The following RPS11 variants were observed in gnomAD, a reference collection of about 807,000 sequenced individuals.
RPS11 encodes the protein small ribosomal subunit protein uS17.
For synonymous variants in RPS11, 107 were observed against 78.0 expected (o/e 1.37, Z -1.96); for missense variants, 127 against 211.4 (o/e 0.60, Z 2.48).
intron 4 of RPS11, among the ~76,000 whole-genome samples, chr19:49,498,533 CTTGAGCCCAGGAGT>C (rs986482363): frequency 4.0e-5 from 6 of 151,652 alleles, no homozygotes; most frequent in African/African-American, 1.4e-4. Context: ...AGGAGGATCC[CTTGAGCCCAGGAGT>C]TTGAGACCAG....
rs1306236300 is a variant in RPS11 at position 49,497,531 on chromosome 19, C to T, written c.159C>T (p.Gly53=). The change falls in exon 3 of 5, where the codon GGC becomes GGT. Residue 53 remains glycine, a synonymous_variant. Coordinates refer to ENST00000270625, the MANE Select transcript of RPS11 (RefSeq NM_001015.5). ...TCCTATCCTTTCAGGCTATTGAGGG[C>T]ACCTACATTGACAAGAAATGCCCCT... ...GFKTPKEAIE[G]TYIDKKCPFT... 4 of 1,613,804 alleles carry T rather than the reference C, an allele frequency of 2.5e-6. No individual in the cohort carries two copies. The highest frequency in any genetic ancestry group is 1.7e-4 in the Middle Eastern group (1 of 5,942).
intron 3 of RPS11, 118 bp from the exon 4 acceptor site, chr19:49,497,799 G>A: frequency 6.9e-7 from 1 of 1,446,732 alleles, no homozygotes; most frequent in Non-Finnish European, 9.7e-7. Context: ...TAAAACTGAT[G>A]CCGGAAATGG....
chr19:49,497,567 T>C lies in RPS11; in HGVS notation c.195T>C (p.Asn65=). ...YIDKKCPFTG[N]VSIRGRILSG... is the part of the protein sequence containing the mutation. ...ACAAGAAATGCCCCTTCACTGGTAA[T>C]GTGTCCATTCGAGGGCGGATCCTCT... Residue 65 remains asparagine, a synonymous_variant, in exon 3 of 5, where the codon AAT becomes AAC. Transcript: ENST00000270625. The C allele has an allele frequency of 6.2e-7, 1 of 1,614,038 alleles. No individual in the cohort carries two copies.
intron 4 of RPS11, 144 bp downstream of exon 4, chr19:49,498,190 CAT>C: frequency 2.3e-6 from 2 of 860,440 alleles, no homozygotes; most frequent in South Asian, 1.5e-5. Context: ...ATTTGTATAT[CAT>C]ATGTTCTTCA....
chr19:49,498,384 A>G (rs1568692766), intron 4 of RPS11: 9 of 313,136 alleles, frequency 2.9e-5, no homozygotes, highest in Non-Finnish European at 5.6e-5. Flanking sequence ...AGTGCGTTTT[A>G]TAATTCTGTG....
In RPS11 at chr19:49,497,253, G is replaced by A. The variant is rs1336569094; in HGVS notation, c.75G>A (p.Leu25=). ...TTCAAAACAAGAAGAGGGTCCTGCT[G>A]GGAGAAACTGGCAAGGAGAAGCTCC... The part of the protein sequence containing the change: ...TIFQNKKRVL[L]GETGKEKLPR... The change falls in exon 2 of 5, where the codon CTG becomes CTA. Residue 25 remains leucine (L), a synonymous_variant. Coordinates refer to ENST00000270625, the MANE Select transcript of RPS11 (RefSeq NM_001015.5). 1 of 1,614,086 alleles carries A rather than the reference G, an allele frequency of 6.2e-7. No individual in the cohort carries two copies. The highest frequency in any genetic ancestry group is 2.2e-5 in the East Asian group (1 of 44,878).
In RPS11 at chr19:49,497,561, T is replaced by C. The variant is rs112139023; in HGVS notation, c.189T>C (p.Thr63=). The C allele has an allele frequency of 9.3e-6, 15 of 1,613,986 alleles. No homozygotes were observed. In the African/African-American group the frequency reaches 1.2e-4, roughly 13 times the overall value. ...GTYIDKKCPF[T]GNVSIRGRIL... ...ACATTGACAAGAAATGCCCCTTCAC[T>C]GGTAATGTGTCCATTCGAGGGCGGA... Residue 63 remains threonine (T), a synonymous_variant, in exon 3 of 5, where the codon ACT becomes ACC. Transcript: ENST00000270625.
intron 1 of RPS11, 150 bp from the exon 2 acceptor site, chr19:49,497,044 G>C: frequency 1.3e-6 from 1 of 776,084 alleles, no homozygotes; most frequent in Admixed American, 2.8e-5. Flanking sequence ...TGTCTTAGAG[G>C]GTGATTCTGG....
At chr19:49,496,653 C>A (rs1002960613) in intron 1 of RPS11, among the ~76,000 whole-genome samples, 182 bp downstream of exon 1, 1 of 152,090 alleles carries the variant, frequency 6.6e-6, no homozygotes, top group African/African-American at 2.4e-5. Flanking sequence ...CTTCCTAATT[C>A]CTGGGGGCTC....
Position 49,497,566 on chromosome 19 carries a change from A to T in RPS11, c.194A>T (p.Asn65Ile). ...YIDKKCPFTG[N>I]VSIRGRILSG... The stretch of plus-strand genomic sequence containing the variant: ...GACAAGAAATGCCCCTTCACTGGTA[A>T]TGTGTCCATTCGAGGGCGGATCCTC... The change falls in exon 3 of 5, where the codon AAT becomes ATT. Residue 65 changes from asparagine (N) to isoleucine (I), a missense_variant. Transcript: ENST00000270625. 6.2e-7 allele frequency: 1 copy of T among 1,613,978 alleles called. No homozygotes were observed. Among genetic ancestry groups the T allele is most frequent in the Non-Finnish European group, 8.5e-7 (1 of 1,179,970 alleles).
At chr19:49,498,115 A>AT in intron 4 of RPS11, 69 bp downstream of exon 4, 1 of 1,565,924 alleles carries the variant, frequency 6.4e-7, no homozygotes, top group Non-Finnish European at 8.8e-7. Flanking sequence ...GATCGGACCA[A>AT]TTTAAGGCCA....
At position 49,497,584 on chromosome 19, in the gene RPS11, G is replaced by T; in HGVS notation, c.212G>T (p.Arg71Leu). 6.2e-7 allele frequency: 1 copy of T among 1,613,848 alleles called. No individual in the cohort carries two copies. The highest frequency in any genetic ancestry group is 1.1e-5 in the South Asian group (1 of 91,078). ...ACTGGTAATGTGTCCATTCGAGGGCGGATCCTCTCTGGTAAGTGCGGGAGT... is the reference window on the plus strand; with the variant it reads ...ACTGGTAATGTGTCCATTCGAGGGCTGATCCTCTCTGGTAAGTGCGGGAGT... Reference protein sequence around the residue: ...PFTGNVSIRGRILSGVVTKMK... With the variant: ...PFTGNVSIRGLILSGVVTKMK... Residue 71 changes from arginine (R) to leucine (L), a missense_variant, in exon 3 of 5, where the codon CGG becomes CTG. Arg to Leu is a moderately radical substitution (Grantham distance 102). Transcript: ENST00000270625.
chr19:49,499,156 C>T (rs1013195894), intron 4 of RPS11, among the ~76,000 whole-genome samples: 1 of 152,102 alleles, frequency 6.6e-6, no homozygotes, highest in African/African-American at 2.4e-5. Context: ...CAAACTGATG[C>T]TGAGCGATAA....
At position 49,496,479 on chromosome 19, in the gene RPS11, C is replaced by T; in HGVS notation, c.15+8C>T. On this transcript the variant is annotated splice_region_variant and intron_variant, in intron 1 of 4. Coordinates refer to ENST00000270625, the MANE Select transcript of RPS11 (RefSeq NM_001015.5). ...AAGATGGCGGACATTCAGGTGCGGA[C>T]TCGGGGTTGGATGCCAGGGTGCGGG... is the stretch of plus-strand genomic sequence containing the variant. 1 of 1,610,266 alleles carries T rather than the reference C, an allele frequency of 6.2e-7. No individual in the cohort carries two copies. The highest frequency in any genetic ancestry group is 1.1e-5 in the South Asian group (1 of 90,926).
chr19:49,499,494 C>G lies in RPS11; in HGVS notation c.354-18C>G. On this transcript the variant is annotated intron_variant, in intron 4 of 4. Coordinates refer to ENST00000270625, the MANE Select transcript of RPS11 (RefSeq NM_001015.5). ...GGGGTGGCCCCTCCTGAGGACATGGCCCTACCTGCCTCCACAGGGACGTCC... is the reference window on the plus strand; with the variant it reads ...GGGGTGGCCCCTCCTGAGGACATGGGCCTACCTGCCTCCACAGGGACGTCC... 6.2e-7 allele frequency: 1 copy of G among 1,611,120 alleles called. No individual in the cohort carries two copies.
chr19:49,499,188 T>C (rs1250420695), intron 4 of RPS11, among the ~76,000 whole-genome samples: 5 of 152,148 alleles, frequency 3.3e-5, no homozygotes, highest in Admixed American at 3.3e-4. Context: ...TTGTCAGTGC[T>C]GCAGGATCCC....
chr19:49,497,450 G>A, intron 2 of RPS11, 70 bp from the exon 3 acceptor site: 1 of 1,595,066 alleles, frequency 6.3e-7, no homozygotes, highest in Non-Finnish European at 8.6e-7. Context: ...CTTCCCTGAG[G>A]CCACGCCCCT....
At position 49,497,319 on chromosome 19, in the gene RPS11, C is replaced by G; in HGVS notation, c.141C>G (p.Pro47=). The G allele has an allele frequency of 6.2e-7, 1 of 1,614,102 alleles. No individual in the cohort carries two copies. Among genetic ancestry groups the G allele is most frequent in the Non-Finnish European group, 8.5e-7 (1 of 1,180,010 alleles). ...YKNIGLGFKT[P]KEAIEGTYID... is the part of the protein sequence containing the mutation. ...ACATCGGTCTGGGCTTCAAGACACC[C>G]AAGGAGGTGCGGGGAACCTCAGAAG... The change falls in exon 2 of 5, where the codon CCC becomes CCG. Residue 47 remains proline (P), a synonymous_variant. Coordinates refer to ENST00000270625, the MANE Select transcript of RPS11 (RefSeq NM_001015.5).
chr19:49,499,295 G>A (rs1053997502), intron 4 of RPS11, among the ~76,000 whole-genome samples: 3 of 152,188 alleles, frequency 2.0e-5, no homozygotes, highest in Admixed American at 1.3e-4. Context: ...AGCGGTCCTC[G>A]GAGGGGTGGT....
Sources: allele counts gnomAD v4.1 joint callset (sites outside exome capture counted in the v4.1 genomes callset), GRCh38; gene constraint gnomAD v4.1.1; transcripts MANE v1.5; gene names NCBI Gene and HGNC (gene_info 2026-07-23, HGNC 2026-07-21).